Variants in NALCN observed in about 807,000 individuals in gnomAD.
NALCN encodes sodium leak channel, non-selective, also known as sodium leak channel NALCN.
A neutral mutation model predicts 225.3 loss-of-function variants in NALCN; 111 were observed. That is an observed-to-expected ratio of 0.49 (90% CI 0.42 to 0.58). The LOEUF (loss-of-function observed/expected upper bound fraction) is 0.58. Ranked by LOEUF, NALCN falls within the 20% of genes least tolerant of loss-of-function variation. The pLI, the probability that NALCN is intolerant of heterozygous loss-of-function variation, is 0.00. For missense variants in NALCN, 1,378 were observed against 2,202.4 expected (o/e 0.63, Z 7.49); for synonymous variants, 764 against 769.0 (o/e 0.99, Z 0.11).
chr13:101,060,086 A>T lies in NALCN; in HGVS notation c.4756-119T>A. On this transcript the variant is annotated intron_variant, in intron 41 of 43. Transcript: ENST00000251127. ...AGACCTGCATGACGGGTGACCTCTT[A>T]GGAATTTCCAAGTAAGGATCCTGAA... is the stretch of plus-strand genomic sequence containing the variant. 4 of 1,134,510 alleles carry T rather than the reference A, an allele frequency of 3.5e-6. No individual in the cohort carries two copies. The South Asian group carries it at 6.0e-5, about 17-fold the overall frequency. The allele number at this position is 1,134,510 out of a possible 1,614,324, so 70.3% of individuals were successfully genotyped here.
At chr13:101,084,601 ATTAT>A (rs10574967) in intron 30 of NALCN, among the ~76,000 whole-genome samples, 110,784 of 151,592 alleles carry the variant, frequency 0.73, 41,062 homozygotes, top group African/African-American at 0.82. Context: ...CCAACATGTG[ATTAT>A]TTATGCTGTT....
chr13:101,155,535 C>T (rs9554758), intron 15 of NALCN, among the ~76,000 whole-genome samples: 47,846 of 151,964 alleles, frequency 0.31, 7,806 homozygotes, highest in East Asian at 0.46. Context: ...GATGATACGC[C>T]CTTCTCGTCA....
At chr13:101,312,086 T>A (rs1248415313) in intron 7 of NALCN, among the ~76,000 whole-genome samples, 1 of 152,204 alleles carries the variant, frequency 6.6e-6, no homozygotes, top group Non-Finnish European at 1.5e-5. Flanking sequence ...GGTTTAGTCT[T>A]GGGAGGGTGT....
intron 15 of NALCN, among the ~76,000 whole-genome samples, chr13:101,146,376 C>CT (rs1237117036): frequency 6.6e-6 from 1 of 152,114 alleles, no homozygotes; most frequent in Non-Finnish European, 1.5e-5. Flanking sequence ...ATGGCACGTT[C>CT]TCAACAGTTC....
intron 15 of NALCN, 34 bp from the exon 16 acceptor site, chr13:101,144,930 G>T (rs2037272233): frequency 6.3e-7 from 1 of 1,592,970 alleles, no homozygotes; most frequent in Non-Finnish European, 8.5e-7. Context: ...AAAAAAGGGG[G>T]AACCTATAAT....
At chr13:101,308,003 T>C (rs1321684769) in intron 7 of NALCN, among the ~76,000 whole-genome samples, 2 of 152,220 alleles carry the variant, frequency 1.3e-5, no homozygotes. Context: ...TTCCATACGA[T>C]TACTGAAATT....
At chr13:101,341,705 G>C (rs2045564197) in intron 7 of NALCN, among the ~76,000 whole-genome samples, 1 of 152,142 alleles carries the variant, frequency 6.6e-6, no homozygotes. Context: ...CCAGATGTCT[G>C]TCACTGTTTC....
chr13:101,241,694 C>T (rs1360896296), intron 11 of NALCN, among the ~76,000 whole-genome samples: 4 of 152,250 alleles, frequency 2.6e-5, no homozygotes, highest in East Asian at 1.9e-4. Flanking sequence ...CCACCCACCT[C>T]GGCCTCCCAA....
At chr13:101,164,372 G>A (rs1031597570) in intron 15 of NALCN, among the ~76,000 whole-genome samples, 4 of 152,072 alleles carry the variant, frequency 2.6e-5, no homozygotes, top group Admixed American at 6.5e-5. Context: ...GCTCACTGCA[G>A]CCTTGACCTC....
intron 10 of NALCN, among the ~76,000 whole-genome samples, chr13:101,271,879 A>G (rs12872591): frequency 0.46 from 69,798 of 150,740 alleles, 17,438 homozygotes; most frequent in East Asian, 0.73. Flanking sequence ...GTGTAGCCAT[A>G]TGCATGTGTG....
At chr13:101,265,155 A>C (rs561068248) in intron 10 of NALCN, among the ~76,000 whole-genome samples, 1 of 152,306 alleles carries the variant, frequency 6.6e-6, no homozygotes, top group East Asian at 1.9e-4. Flanking sequence ...ACAGGAAACT[A>C]ACACAGCATT....
At chr13:101,161,854 AGAGT>A (rs1191027529) in intron 15 of NALCN, among the ~76,000 whole-genome samples, 1 of 152,222 alleles carries the variant, frequency 6.6e-6, no homozygotes, top group Non-Finnish European at 1.5e-5. Flanking sequence ...CCTGGGTGAC[AGAGT>A]GAGACTGTCT....
chr13:101,285,010 T>C (rs1039780122), intron 9 of NALCN, among the ~76,000 whole-genome samples: 2 of 152,228 alleles, frequency 1.3e-5, no homozygotes, highest in South Asian at 2.1e-4. Context: ...AAGTGCTCAC[T>C]GTTTCATTCC....
chr13:101,409,593 G>A (rs2047721008), intron 1 of NALCN, among the ~76,000 whole-genome samples: 2 of 152,018 alleles, frequency 1.3e-5, no homozygotes. Context: ...AACCAGAAAG[G>A]GGATACTTAT....
intron 22 of NALCN, among the ~76,000 whole-genome samples, chr13:101,106,767 C>T (rs1235154616): frequency 6.6e-6 from 1 of 152,194 alleles, no homozygotes; most frequent in Non-Finnish European, 1.5e-5. Context: ...GATTGAAAGG[C>T]TTCCCCAGCC....
chr13:101,111,055 T>C (rs561466083), intron 19 of NALCN, 70 bp downstream of exon 19: 2 of 1,492,150 alleles, frequency 1.3e-6, no homozygotes, highest in Non-Finnish European at 1.9e-6. Context: ...CGTGACTGTG[T>C]ACAGCGACCA....
chr13:101,369,892 C>T (rs1340167381), intron 6 of NALCN, among the ~76,000 whole-genome samples: 1 of 152,214 alleles, frequency 6.6e-6, no homozygotes, highest in Non-Finnish European at 1.5e-5. Context: ...CTTCAATTTT[C>T]TTACTCCGTA....
At chr13:101,083,638 T>C in intron 31 of NALCN, 73 bp downstream of exon 31, 2 of 1,458,808 alleles carry the variant, frequency 1.4e-6, no homozygotes, top group Non-Finnish European at 1.9e-6. Context: ...ATTATTTTAA[T>C]TTAAATCTGA....
At chr13:101,269,233 T>C (rs2042695890) in intron 10 of NALCN, among the ~76,000 whole-genome samples, 1 of 150,360 alleles carries the variant, frequency 6.7e-6, no homozygotes, top group African/African-American at 2.4e-5. Context: ...TATATATATA[T>C]ATATATATTT....
Sources: gnomAD v4.1 joint callset for allele counts (sites outside exome capture counted in the v4.1 genomes callset) on GRCh38, gnomAD v4.1.1 for gene constraint, MANE v1.5 for transcripts, NCBI Gene and HGNC (gene_info 2026-07-23, HGNC 2026-07-21) for gene names.